The following TRHR variants were observed in gnomAD, a reference collection of about 807,000 sequenced individuals.
TRHR encodes thyrotropin-releasing hormone receptor.
In TRHR, 14 loss-of-function variants were observed where a neutral mutation model predicts 28.0. The observed-to-expected ratio is 0.50, with a 90% CI of 0.33 to 0.78. TRHR has a LOEUF of 0.78. Among genes scored for constraint, TRHR ranks in the 30% least tolerant of loss-of-function variants. TRHR has a pLI of 0.02. For synonymous variants in TRHR, 176 were observed against 171.9 expected (o/e 1.02, Z -0.18); for missense variants, 438 against 469.5 (o/e 0.93, Z 0.62).
rs183796230 is a variant in TRHR, at chr8:109,106,733, G to T, written c.790-12315G>T. On this transcript the variant is annotated intron_variant, in intron 2 of 2. Transcript: ENST00000518632. Reference sequence around the variant, plus strand: ...GACACTTGTGATTAGGAATGGAAATGTAAAATGGCAACATGGAACTCCACA... The same window carrying T: ...GACACTTGTGATTAGGAATGGAAATTTAAAATGGCAACATGGAACTCCACA... Among the ~76,000 whole-genome samples the T allele has an allele frequency of 5.3e-5, 8 of 152,258 alleles. No homozygotes were observed. The East Asian group carries it at 1.5e-3, about 29-fold the overall frequency.
chr8:109,087,037 T>G (rs1811443988), intron 1 of TRHR, among the ~76,000 whole-genome samples, 154 bp downstream of exon 1: 1 of 152,238 alleles, frequency 6.6e-6, no homozygotes, highest in South Asian at 2.1e-4. Context: ...TTATTGAGCT[T>G]CTTGGCTTTT....
chr8:109,116,011 A>C (rs1811916045), intron 2 of TRHR, among the ~76,000 whole-genome samples: 1 of 152,162 alleles, frequency 6.6e-6, no homozygotes, highest in African/African-American at 2.4e-5. Flanking sequence ...TTTAGCATGA[A>C]GGGCTGTTGA....
intron 2 of TRHR, among the ~76,000 whole-genome samples, chr8:109,106,436 A>C (rs1811753294): frequency 1.3e-5 from 2 of 152,178 alleles, no homozygotes; most frequent in South Asian, 4.1e-4. Context: ...AGCATAAATC[A>C]TATTGAGTTA....
At chr8:109,111,510 T>G (rs73311349) in intron 2 of TRHR, among the ~76,000 whole-genome samples, 14,170 of 152,204 alleles carry the variant, frequency 0.093, 1,090 homozygotes, top group African/African-American at 0.21. Context: ...AGACTAAATG[T>G]TTTGTATTCA....
At chr8:109,094,363 T>C (rs1304647257) in intron 2 of TRHR, among the ~76,000 whole-genome samples, 1 of 152,104 alleles carries the variant, frequency 6.6e-6, no homozygotes, top group East Asian at 1.9e-4. Context: ...GAAATCATCC[T>C]GCTTCAGTCT....
intron 2 of TRHR, among the ~76,000 whole-genome samples, chr8:109,112,920 A>C (rs1351560940): frequency 6.6e-6 from 1 of 152,172 alleles, no homozygotes; most frequent in Non-Finnish European, 1.5e-5. Context: ...ATTTCAGAGT[A>C]ATATGGCTCA....
chr8:109,117,786 C>T (rs1479962491), intron 2 of TRHR, among the ~76,000 whole-genome samples: 1 of 151,738 alleles, frequency 6.6e-6, no homozygotes, highest in African/African-American at 2.4e-5. Context: ...TCAGTTAACC[C>T]CTTTGCTAAG....
intron 2 of TRHR, among the ~76,000 whole-genome samples, chr8:109,099,372 C>A (rs914344411): frequency 6.6e-6 from 1 of 152,142 alleles, no homozygotes; most frequent in East Asian, 1.9e-4. Flanking sequence ...ATAAAAGGAC[C>A]TATTTTCTCC....
rs528418887 is a variant in TRHR at position 109,093,895 on chromosome 8, C to G, written c.789+5594C>G. 3.3e-5 allele frequency among the ~76,000 whole-genome samples: 5 copies of G among 151,348 alleles called. No homozygotes were observed. In the East Asian group the frequency reaches 9.7e-4, roughly 29 times the overall value. On this transcript the variant is annotated intron_variant, in intron 2 of 2. Coordinates refer to ENST00000518632, the MANE Select transcript of TRHR (RefSeq NM_003301.7). ...AAAGACTAAGAAGATAGTTACCGACCAGCCTTCACCTGTCTGGAACTTGGG... is the reference window on the plus strand; with the variant it reads ...AAAGACTAAGAAGATAGTTACCGACGAGCCTTCACCTGTCTGGAACTTGGG...
chr8:109,102,488 A>C lies in TRHR; in HGVS notation c.789+14187A>C, dbSNP rs78506162. ...TCTGGTACATGGACGTATCCAATAC[A>C]TGTTTGTCAAACAAATAGATAAATG... On this transcript the variant is annotated intron_variant, in intron 2 of 2. Coordinates refer to ENST00000518632, the MANE Select transcript of TRHR (RefSeq NM_003301.7). 3.1e-3 allele frequency among the ~76,000 whole-genome samples: 477 copies of C among 152,292 alleles called. 3 individuals carry two copies. Among genetic ancestry groups the C allele is most frequent in the African/African-American group, 0.011 (442 of 41,580 alleles).
At chr8:109,105,594 T>G (rs1436024969) in intron 2 of TRHR, among the ~76,000 whole-genome samples, 2 of 152,084 alleles carry the variant, frequency 1.3e-5, no homozygotes, top group Non-Finnish European at 2.9e-5. Flanking sequence ...CCATATTATA[T>G]CAAGTTGTGA....
In TRHR at chr8:109,087,470, T is replaced by C; in HGVS notation, c.-43T>C. The C allele has an allele frequency of 3.1e-6, 5 of 1,610,984 alleles. No individual in the cohort carries two copies. The highest frequency in any genetic ancestry group is 4.2e-6 in the Non-Finnish European group (5 of 1,178,226). On this transcript the variant is annotated 5_prime_UTR_variant, in exon 2 of 3. Coordinates refer to ENST00000518632, the MANE Select transcript of TRHR (RefSeq NM_003301.7). The stretch of plus-strand genomic sequence containing the variant: ...AAAGGTGGGCGCTGGAAAGAAGATG[T>C]TTTGAGAAGTCAGTGTTTCCGAGAA...
intron 2 of TRHR, among the ~76,000 whole-genome samples, chr8:109,107,006 A>G (rs1300804391): frequency 2.0e-5 from 3 of 152,312 alleles, no homozygotes; most frequent in Middle Eastern, 3.4e-3. Context: ...GGGAGACATG[A>G]GGGAAAGTAA....
intron 2 of TRHR, among the ~76,000 whole-genome samples, chr8:109,116,882 T>C (rs537560900): frequency 1.2e-4 from 18 of 151,982 alleles, no homozygotes; most frequent in Non-Finnish European, 1.9e-4. Flanking sequence ...TATAGGTCAC[T>C]GCAATGAAAT....
chr8:109,096,404 A>T (rs1295475463), intron 2 of TRHR, among the ~76,000 whole-genome samples: 1 of 152,204 alleles, frequency 6.6e-6, no homozygotes, highest in Non-Finnish European at 1.5e-5. Context: ...CTTTGCATAC[A>T]CATGTGCTTT....
intron 2 of TRHR, among the ~76,000 whole-genome samples, chr8:109,112,958 T>C (rs1254415170): frequency 6.6e-6 from 1 of 152,182 alleles, no homozygotes; most frequent in Non-Finnish European, 1.5e-5. Flanking sequence ...AAAAGAACTT[T>C]GTTAATTTCA....
chr8:109,113,577 C>A (rs953526224), intron 2 of TRHR, among the ~76,000 whole-genome samples: 2 of 152,014 alleles, frequency 1.3e-5, no homozygotes, highest in African/African-American at 4.8e-5. Context: ...GTAAGGAAAT[C>A]TGAATAAAGC....
At chr8:109,107,638 G>T (rs1308691311) in intron 2 of TRHR, among the ~76,000 whole-genome samples, 1 of 152,164 alleles carries the variant, frequency 6.6e-6, no homozygotes, top group African/African-American at 2.4e-5. Context: ...ATCAAGTAGT[G>T]AAGAAGCAGA....
chr8:109,119,333 G>T lies in TRHR; in HGVS notation c.1075G>T (p.Glu359Ter). ...SVALNYSVIKESDHFSTELDD... is the reference protein window; with the variant it reads ...SVALNYSVIK ...GGCCCTAAATTACAGCGTCATCAAG[G>T]AGTCAGACCATTTCAGCACAGAGCT... The change falls in exon 3 of 3, where the codon GAG becomes TAG. Residue 359 changes from glutamate (E) to a stop codon, truncating the protein, a stop_gained. Transcript: ENST00000518632. LOFTEE classifies it high-confidence loss of function. 1.9e-6 allele frequency: 3 copies of T among 1,612,316 alleles called. No homozygotes were observed. Among genetic ancestry groups the T allele is most frequent in the Non-Finnish European group, 2.5e-6 (3 of 1,179,010 alleles).
Sources: allele counts gnomAD v4.1 joint callset (sites outside exome capture counted in the v4.1 genomes callset), GRCh38; gene constraint gnomAD v4.1.1; transcripts MANE v1.5; gene names NCBI Gene and HGNC (gene_info 2026-07-23, HGNC 2026-07-21).